LANCL1: variants seen among roughly 807,000 people sequenced by gnomAD.
The protein encoded by LANCL1 is LanC like glutathione S-transferase 1.
In LANCL1, 50 loss-of-function variants were observed where a neutral mutation model predicts 50.6. The ratio of observed to expected loss-of-function variants is 0.99; its 90% CI spans 0.79 to 1.25. The LOEUF (loss-of-function observed/expected upper bound fraction) is 1.25, where lower values mean the gene tolerates loss of function less well. Among genes scored for constraint, LANCL1 ranks in the 50% most tolerant of loss-of-function variants. The pLI is 0.00. For synonymous variants in LANCL1, 188 were observed against 178.6 expected (o/e 1.05, Z -0.42); for missense variants, 532 against 480.7 (o/e 1.11, Z -1.00).
At chr2:210,450,435 TA>T (rs1217790592) in intron 4 of LANCL1, among the ~76,000 whole-genome samples, 2 of 152,032 alleles carry the variant, frequency 1.3e-5, no homozygotes, top group Non-Finnish European at 2.9e-5. Context: ...TAGGCATGTG[TA>T]AAGACTTCAT....
At chr2:210,472,577 C>G (rs1388763584) in intron 2 of LANCL1, among the ~76,000 whole-genome samples, 1 of 152,102 alleles carries the variant, frequency 6.6e-6, no homozygotes, top group African/African-American at 2.4e-5. Flanking sequence ...TATCAAGAGC[C>G]TTAAGCAGAA....
chr2:210,476,627 A>C lies in LANCL1; in HGVS notation c.-24T>G. 6.2e-6 allele frequency: 8 copies of C among 1,294,202 alleles called. No homozygotes were observed. Among genetic ancestry groups the C allele is most frequent in the Non-Finnish European group, 7.8e-6 (8 of 1,020,272 alleles). 80.2% of individuals were successfully genotyped at this position (1,294,202 alleles called of 1,614,324 possible). On this transcript the variant is annotated 5_prime_UTR_variant, in exon 1 of 10. Transcript: ENST00000450366. Reference sequence around the variant, plus strand: ...CCAGGGCCCTTAACCCACCCGGACAAAGAGGCCCCGTTTTGCAACCCCGTT... The same window carrying C: ...CCAGGGCCCTTAACCCACCCGGACACAGAGGCCCCGTTTTGCAACCCCGTT...
At chr2:210,476,789 A>C (rs1216007705), upstream of LANCL1, 1 of 1,013,410 alleles carries the variant, frequency 9.9e-7, no homozygotes, top group Non-Finnish European at 1.2e-6. Flanking sequence ...GGCCAATCAG[A>C]GCCTTCGCCG....
intron 9 of LANCL1, among the ~76,000 whole-genome samples, chr2:210,435,031 G>T (rs927527950): frequency 2.6e-5 from 4 of 152,120 alleles, no homozygotes; most frequent in Admixed American, 2.0e-4. Flanking sequence ...AGCCAGACAA[G>T]TTCAAGTCAC....
At chr2:210,460,895 GTCTTT>G (rs1188880847) in intron 3 of LANCL1, 1 of 152,142 alleles carries the variant, frequency 6.6e-6, no homozygotes, top group East Asian at 1.9e-4. Context: ...CTGAAGATGT[GTCTTT>G]TCTTTTCTTC....
intron 4 of LANCL1, among the ~76,000 whole-genome samples, chr2:210,454,768 C>A (rs1404237439): frequency 2.0e-5 from 3 of 152,182 alleles, no homozygotes; most frequent in Non-Finnish European, 4.4e-5. Context: ...GAAGGACTCT[C>A]CCAGCCCACC....
intron 3 of LANCL1, among the ~76,000 whole-genome samples, chr2:210,469,621 T>C (rs1694165321): frequency 6.6e-6 from 1 of 152,174 alleles, no homozygotes; most frequent in African/African-American, 2.4e-5. Flanking sequence ...GAGTCAGCAA[T>C]GAGTATCATA....
At chr2:210,436,950 G>C (rs768041560) in intron 7 of LANCL1, among the ~76,000 whole-genome samples, 25 of 152,050 alleles carry the variant, frequency 1.6e-4, no homozygotes, top group Admixed American at 3.9e-4. Flanking sequence ...AGTTTAAAAA[G>C]TTTTTCTATT....
intron 4 of LANCL1, among the ~76,000 whole-genome samples, chr2:210,453,455 A>G (rs907168867): frequency 1.3e-5 from 2 of 152,212 alleles, no homozygotes; most frequent in African/African-American, 4.8e-5. Flanking sequence ...CAGCCGGTAA[A>G]GACACATATT....
intron 6 of LANCL1, among the ~76,000 whole-genome samples, chr2:210,439,331 T>G (rs975465402): frequency 2.6e-5 from 4 of 152,198 alleles, no homozygotes; most frequent in African/African-American, 7.2e-5. Flanking sequence ...ATTATTTGTT[T>G]CAATGAAAGT....
chr2:210,439,313 G>A (rs1019601514), intron 6 of LANCL1, among the ~76,000 whole-genome samples: 6 of 152,140 alleles, frequency 3.9e-5, no homozygotes, highest in African/African-American at 1.4e-4. Context: ...GGCAGAGTAT[G>A]TCTCCTGATT....
At chr2:210,477,540 T>G (rs1694423755), upstream of LANCL1, 1 of 1,312,014 alleles carries the variant, frequency 7.6e-7, no homozygotes, top group Non-Finnish European at 9.7e-7. Context: ...TTCTCTCCGG[T>G]TTCAATGAAG....
intron 7 of LANCL1, among the ~76,000 whole-genome samples, chr2:210,437,023 C>T (rs1305870309): frequency 6.6e-6 from 1 of 152,122 alleles, no homozygotes; most frequent in Non-Finnish European, 1.5e-5. Context: ...TTATGAGATG[C>T]CAGCGCCCAG....
intron 2 of LANCL1, among the ~76,000 whole-genome samples, chr2:210,473,356 C>CA (rs1268809622): frequency 6.6e-6 from 1 of 152,070 alleles, no homozygotes; most frequent in African/African-American, 2.4e-5. Context: ...GCCTGGGCAA[C>CA]AAGAGCGAAA....
At chr2:210,464,455 T>C (rs2105919329) in intron 3 of LANCL1, among the ~76,000 whole-genome samples, 1 of 104,734 alleles carries the variant, frequency 9.5e-6, no homozygotes, top group South Asian at 3.5e-4. Context: ...GGTCTACTCG[T>C]ACACAGATTT....
intron 4 of LANCL1, among the ~76,000 whole-genome samples, chr2:210,452,844 A>C (rs1406346062): frequency 6.6e-6 from 1 of 152,220 alleles, no homozygotes; most frequent in Non-Finnish European, 1.5e-5. Context: ...TTGGCAATGA[A>C]GCACAACAAA....
chr2:210,471,882 C>T, intron 3 of LANCL1, 77 bp downstream of exon 3: 2 of 1,013,488 alleles, frequency 2.0e-6, no homozygotes, highest in Non-Finnish European at 3.1e-6. Context: ...GTGTACCATT[C>T]AGACAGACAG....
At chr2:210,465,481 T>C (rs1559720155) in intron 3 of LANCL1, among the ~76,000 whole-genome samples, 3 of 152,160 alleles carry the variant, frequency 2.0e-5, no homozygotes, top group Non-Finnish European at 1.5e-5. Context: ...TAAGGACCAC[T>C]GTAAAGAATG....
intron 7 of LANCL1, among the ~76,000 whole-genome samples, chr2:210,437,281 A>T (rs1692965541): frequency 6.6e-6 from 1 of 152,218 alleles, no homozygotes; most frequent in South Asian, 2.1e-4. Context: ...ATAGCAGAAT[A>T]ATAATCCATT....
Sources: allele counts gnomAD v4.1 joint callset (sites outside exome capture counted in the v4.1 genomes callset), GRCh38; gene constraint gnomAD v4.1.1; transcripts MANE v1.5; gene names NCBI Gene and HGNC (gene_info 2026-07-23, HGNC 2026-07-21).